Variants in CNTNAP5 observed in about 807,000 individuals in gnomAD.
CNTNAP5 encodes the protein contactin-associated protein-like 5.
In CNTNAP5, 72 loss-of-function variants were observed where a neutral mutation model predicts 150.2. The observed-to-expected ratio is 0.48, with a 90% CI of 0.40 to 0.58. The LOEUF (loss-of-function observed/expected upper bound fraction) is 0.58. CNTNAP5 is among the 20% of genes least tolerant of loss of function. CNTNAP5 has a pLI of 0.00. For synonymous variants in CNTNAP5, 672 were observed against 619.8 expected (o/e 1.08, Z -1.25); for missense variants, 1,636 against 1,626.2 (o/e 1.01, Z -0.10).
intron 20 of CNTNAP5, among the ~76,000 whole-genome samples, chr2:124,867,869 T>C (rs1399080161): frequency 6.6e-6 from 1 of 152,192 alleles, no homozygotes; most frequent in Non-Finnish European, 1.5e-5. Context: ...CCGTTAGGCA[T>C]TGGAATATTT....
chr2:124,450,379 G>T (rs1332695218), intron 6 of CNTNAP5, among the ~76,000 whole-genome samples: 1 of 151,694 alleles, frequency 6.6e-6, no homozygotes, highest in African/African-American at 2.4e-5. Flanking sequence ...ATAATGGCAA[G>T]AAAAGGTAGT....
intron 3 of CNTNAP5, among the ~76,000 whole-genome samples, chr2:124,351,278 C>A (rs1689869752): frequency 6.6e-6 from 1 of 152,178 alleles, no homozygotes; most frequent in Non-Finnish European, 1.5e-5. Flanking sequence ...TTCAGGGCAG[C>A]CACTTTCTTT....
intron 3 of CNTNAP5, among the ~76,000 whole-genome samples, chr2:124,375,517 G>A (rs1050581296): frequency 1.3e-5 from 2 of 152,126 alleles, no homozygotes; most frequent in African/African-American, 2.4e-5. Context: ...TGACAAGACT[G>A]TCACAGATTG....
chr2:124,413,388 C>A (rs1173482444), intron 3 of CNTNAP5, among the ~76,000 whole-genome samples: 1 of 147,414 alleles, frequency 6.8e-6, no homozygotes. Flanking sequence ...TGGGTATATA[C>A]CCAAAGGACT....
chr2:124,125,511 G>A (rs1223976287), intron 1 of CNTNAP5, among the ~76,000 whole-genome samples: 1 of 152,110 alleles, frequency 6.6e-6, no homozygotes, highest in Admixed American at 6.6e-5. Flanking sequence ...CAACGAGACA[G>A]AAAGTTAACA....
rs1040162555 is a variant in CNTNAP5 at position 124,771,011 on chromosome 2, A to G, written c.2534-1788A>G. On this transcript the variant is annotated intron_variant, in intron 16 of 23. Transcript: ENST00000682447. ...CCATTCTTACTGCTTCCACCTTACT[A>G]CCTTTCCTTTAGGCCAGGGCTCGGT... Among the ~76,000 whole-genome samples the G allele has an allele frequency of 9.2e-5, 14 of 152,158 alleles. No individual in the cohort carries two copies. In the East Asian group the frequency reaches 1.2e-3, roughly 13 times the overall value.
At chr2:124,417,020 C>T (rs1263944584) in intron 3 of CNTNAP5, among the ~76,000 whole-genome samples, 1 of 149,876 alleles carries the variant, frequency 6.7e-6, no homozygotes, top group Non-Finnish European at 1.5e-5. Flanking sequence ...TCACTGCAAC[C>T]TCCGCCTCCT....
chr2:124,763,798 C>T lies in CNTNAP5; in HGVS notation c.2361C>T (p.Asp787=). ...TTGGTCCCTTGCGTTGCTATGGTGA[C>T]CGTGAGTACAAAATCGAAAGAAGCT... The part of the protein sequence containing the change: ...WRIGPLRCYG[D]RRFWNAVSFY... Residue 787 remains aspartate (D), a splice_region_variant and synonymous_variant, in exon 15 of 24, where the codon GAC becomes GAT. Transcript: ENST00000682447. 6.2e-7 allele frequency: 1 copy of T among 1,612,946 alleles called. No individual in the cohort carries two copies. The highest frequency in any genetic ancestry group is 8.5e-7 in the Non-Finnish European group (1 of 1,179,414).
intron 3 of CNTNAP5, among the ~76,000 whole-genome samples, chr2:124,397,531 A>G (rs79095761): frequency 0.014 from 2,166 of 152,312 alleles, 52 homozygotes; most frequent in African/African-American, 0.049. Context: ...GTGGCATTAG[A>G]ATTTCAATGT....
At chr2:124,622,349 T>C (rs1163998168) in intron 12 of CNTNAP5, among the ~76,000 whole-genome samples, 1 of 152,240 alleles carries the variant, frequency 6.6e-6, no homozygotes, top group Non-Finnish European at 1.5e-5. Context: ...ATGAACTATA[T>C]TTTCTTTATC....
At chr2:124,786,429 AGGAAGGAAGGAAGGAAGGAAAG>A (rs1681587451) in intron 17 of CNTNAP5, among the ~76,000 whole-genome samples, 1 of 121,760 alleles carries the variant, frequency 8.2e-6, no homozygotes, top group East Asian at 2.2e-4. Flanking sequence ...GAAGGAAGGA[AGGAAGGAAGGAAGGAAGGAAAG>A]AAAGAAAGAA....
intron 1 of CNTNAP5, among the ~76,000 whole-genome samples, chr2:124,167,942 A>G (rs1684844523): frequency 6.6e-6 from 1 of 152,182 alleles, no homozygotes. Flanking sequence ...GGAAGAGAAG[A>G]AAGAGAGCCA....
chr2:124,745,598 T>C (rs1680588331), intron 13 of CNTNAP5, among the ~76,000 whole-genome samples: 1 of 152,186 alleles, frequency 6.6e-6, no homozygotes, highest in African/African-American at 2.4e-5. Context: ...TTTACAGTGA[T>C]TTACAGTTAT....
At chr2:124,791,041 A>C (rs1279518743) in intron 18 of CNTNAP5, among the ~76,000 whole-genome samples, 1 of 152,244 alleles carries the variant, frequency 6.6e-6, no homozygotes, top group Non-Finnish European at 1.5e-5. Context: ...AAAATGCTTG[A>C]ATCACTTTGA....
chr2:124,036,385 C>A (rs976847144), intron 1 of CNTNAP5, among the ~76,000 whole-genome samples: 1 of 151,870 alleles, frequency 6.6e-6, no homozygotes, highest in East Asian at 2.0e-4. Context: ...TTACAAGAAA[C>A]CCCAGTCCCA....
At chr2:124,707,087 A>AGGAGGAGGAGGAGG (rs1558743572) in intron 13 of CNTNAP5, among the ~76,000 whole-genome samples, 2 of 131,254 alleles carry the variant, frequency 1.5e-5, no homozygotes, top group African/African-American at 6.2e-5. Context: ...GAAGAAGAGG[A>AGGAGGAGGAGGAGG]AGAAGAAGAA....
rs1398388440 is a variant in CNTNAP5, at chr2:124,458,123, TAGC to T, written c.918+11191_918+11193del. Among the ~76,000 whole-genome samples the T allele has an allele frequency of 3.5e-4, 48 of 138,968 alleles. 1 individual carries two copies. In the Admixed American group the frequency reaches 3.7e-3, roughly 11 times the overall value. The allele number at this position is 138,968 out of a possible 152,430, so 91.2% of individuals were successfully genotyped here. A position where few individuals can be genotyped will look rare whatever the true frequency, so the allele number is the denominator to read the frequency against. On this transcript the variant is annotated intron_variant, in intron 6 of 23. Coordinates refer to ENST00000682447, the MANE Select transcript of CNTNAP5 (RefSeq NM_001367498.1). ...AAAGATACTTGCACACACATGTTTA[TAGC>T]AGCACAATTTGCAATTGCAAAAACA...
chr2:124,301,490 G>GGAAAATGACTTTATAATGAGGT (rs1688566704), intron 3 of CNTNAP5, among the ~76,000 whole-genome samples: 3 of 152,092 alleles, frequency 2.0e-5, no homozygotes, highest in Admixed American at 2.0e-4. Context: ...ATGCTGTTTT[G>GGAAAATGACTTTATAATGAGGT]GAAAATGACT....
At chr2:124,823,997 C>T (rs1025495698) in intron 19 of CNTNAP5, among the ~76,000 whole-genome samples, 2 of 150,468 alleles carry the variant, frequency 1.3e-5, no homozygotes, top group East Asian at 3.9e-4. Flanking sequence ...CGGCTCACTT[C>T]AGCCTCTGCC....
Sources: gnomAD v4.1 joint callset for allele counts (sites outside exome capture counted in the v4.1 genomes callset) on GRCh38, gnomAD v4.1.1 for gene constraint, MANE v1.5 for transcripts, NCBI Gene and HGNC (gene_info 2026-07-23, HGNC 2026-07-21) for gene names.